VPS13B: variants seen among roughly 807,000 people sequenced by gnomAD.
VPS13B encodes intermembrane lipid transfer protein VPS13B.
VPS13B carries 285 observed loss-of-function variants against 426.4 expected under a neutral mutation model. That is an observed-to-expected ratio of 0.67 (90% CI 0.61 to 0.74). VPS13B has a LOEUF of 0.74. Ranked by LOEUF, VPS13B falls within the 30% of genes least tolerant of loss-of-function variation. The pLI is 0.00. For synonymous variants in VPS13B, 1,676 were observed against 1,676.4 expected (o/e 1.00, Z 0.01); for missense variants, 4,537 against 4,782.6 (o/e 0.95, Z 1.51).
chr8:99,191,184 T>C (rs1303689439), intron 16 of VPS13B, among the ~76,000 whole-genome samples: 1 of 151,990 alleles, frequency 6.6e-6, no homozygotes, highest in African/African-American at 2.4e-5. Context: ...TTTCTTTACA[T>C]GTGATGTGTT....
chr8:99,806,998 A>G (rs1203956063), intron 43 of VPS13B, among the ~76,000 whole-genome samples: 2 of 152,190 alleles, frequency 1.3e-5, no homozygotes, highest in African/African-American at 4.8e-5. Flanking sequence ...TCCTTTCCTA[A>G]TGAATTATAT....
intron 17 of VPS13B, among the ~76,000 whole-genome samples, chr8:99,193,648 C>CAA (rs1813729473): frequency 6.6e-6 from 1 of 152,034 alleles, no homozygotes; most frequent in Admixed American, 6.5e-5. Context: ...GTCAGTAACA[C>CAA]AAAAGTAGTT....
chr8:99,280,727 C>T (rs958317288), intron 19 of VPS13B, among the ~76,000 whole-genome samples: 1 of 152,044 alleles, frequency 6.6e-6, no homozygotes, highest in Non-Finnish European at 1.5e-5. Flanking sequence ...GTTCTAATTA[C>T]TATTAGATTA....
At chr8:99,551,420 A>G (rs1158972840) in intron 30 of VPS13B, among the ~76,000 whole-genome samples, 2 of 152,022 alleles carry the variant, frequency 1.3e-5, no homozygotes, top group Non-Finnish European at 2.9e-5. Flanking sequence ...TGATTGATTT[A>G]TTAAATGCAA....
chr8:99,400,822 C>A (rs1287296324), intron 21 of VPS13B, among the ~76,000 whole-genome samples: 2 of 152,176 alleles, frequency 1.3e-5, no homozygotes, highest in Non-Finnish European at 2.9e-5. Flanking sequence ...AGGTGCCCAC[C>A]ACCACACGTG....
At chr8:99,122,630 T>C (rs1848001638) in intron 8 of VPS13B, among the ~76,000 whole-genome samples, 1 of 152,208 alleles carries the variant, frequency 6.6e-6, no homozygotes, top group Admixed American at 6.5e-5. Flanking sequence ...TTACCATACA[T>C]GTAATATTCC....
intron 3 of VPS13B, among the ~76,000 whole-genome samples, chr8:99,071,479 G>A (rs1844850203): frequency 6.6e-6 from 1 of 152,194 alleles, no homozygotes; most frequent in Non-Finnish European, 1.5e-5. Flanking sequence ...GGTGACACAA[G>A]CATCCATGTG....
At chr8:99,067,437 G>A (rs1288596219) in intron 3 of VPS13B, among the ~76,000 whole-genome samples, 1 of 152,104 alleles carries the variant, frequency 6.6e-6, no homozygotes. Flanking sequence ...GGTGGGAACT[G>A]AACAATGAGA....
chr8:99,268,709 G>T (rs1356472979), intron 17 of VPS13B, among the ~76,000 whole-genome samples: 1 of 152,120 alleles, frequency 6.6e-6, no homozygotes, highest in African/African-American at 2.4e-5. Context: ...TTTGGACTTG[G>T]AGTTTTGAGT....
chr8:99,656,399 T>C (rs1373488212), intron 34 of VPS13B, among the ~76,000 whole-genome samples: 3 of 152,218 alleles, frequency 2.0e-5, no homozygotes, highest in Non-Finnish European at 4.4e-5. Flanking sequence ...GAGATTCCTA[T>C]GACTTGAATA....
intron 13 of VPS13B, among the ~76,000 whole-genome samples, chr8:99,144,134 G>C (rs1448355601): frequency 6.6e-6 from 1 of 152,024 alleles, no homozygotes; most frequent in Non-Finnish European, 1.5e-5. Context: ...AAAGCACCTA[G>C]GTCCTCAGTA....
intron 51 of VPS13B, among the ~76,000 whole-genome samples, chr8:99,825,370 T>C (rs1016145056): frequency 6.6e-6 from 1 of 152,210 alleles, no homozygotes; most frequent in Non-Finnish European, 1.5e-5. Context: ...CGTAAATGTC[T>C]TCTTTTGAGA....
At chr8:99,462,422 G>A (rs1393946317) in intron 23 of VPS13B, among the ~76,000 whole-genome samples, 1 of 151,704 alleles carries the variant, frequency 6.6e-6, no homozygotes, top group East Asian at 1.9e-4. Context: ...ACTCTCTTTT[G>A]GTTTTCTGTG....
At chr8:99,270,495 A>G (rs1287836293) in intron 17 of VPS13B, among the ~76,000 whole-genome samples, 1 of 152,002 alleles carries the variant, frequency 6.6e-6, no homozygotes, top group African/African-American at 2.4e-5. Flanking sequence ...TATATATAAC[A>G]TGTATGAGAT....
chr8:99,044,895 CACACCA>C, intron 3 of VPS13B, among the ~76,000 whole-genome samples: 1 of 145,586 alleles, frequency 6.9e-6, no homozygotes, highest in South Asian at 2.2e-4. Flanking sequence ...CACACACACA[CACACCA>C]CCCCCCGCCC....
chr8:99,251,712 C>T (rs1011249249), intron 17 of VPS13B, among the ~76,000 whole-genome samples: 2 of 152,010 alleles, frequency 1.3e-5, no homozygotes, highest in Admixed American at 6.6e-5. Flanking sequence ...GTGTTTCCTC[C>T]TTTTCTGTGT....
At chr8:99,030,185 C>T (rs10955196) in intron 2 of VPS13B, among the ~76,000 whole-genome samples, 89,370 of 120,172 alleles carry the variant, frequency 0.74, 33,473 homozygotes, top group South Asian at 0.86. Context: ...GCCCTGTAGG[C>T]GTTCTTCTCA....
chr8:99,098,829 G>A (rs965461944), intron 4 of VPS13B, among the ~76,000 whole-genome samples: 1 of 151,718 alleles, frequency 6.6e-6, no homozygotes, highest in Non-Finnish European at 1.5e-5. Context: ...TTGCTAATTG[G>A]GATTTCCATC....
chr8:99,713,686 T>G (rs1158010750), intron 36 of VPS13B, among the ~76,000 whole-genome samples: 1 of 152,208 alleles, frequency 6.6e-6, no homozygotes, highest in East Asian at 1.9e-4. Flanking sequence ...CCAGTAGCAA[T>G]GAGCATACCT....
Sources: allele counts gnomAD v4.1 joint callset (sites outside exome capture counted in the v4.1 genomes callset), GRCh38; gene constraint gnomAD v4.1.1; transcripts MANE v1.5; gene names NCBI Gene and HGNC (gene_info 2026-07-23, HGNC 2026-07-21).